Variants in CDC23 observed in about 807,000 individuals in gnomAD.
The protein encoded by CDC23 is cell division cycle 23.
In CDC23, 26 loss-of-function variants were observed where a neutral mutation model predicts 81.7. The ratio of observed to expected loss-of-function variants is 0.32; its 90% CI spans 0.23 to 0.44. The LOEUF (loss-of-function observed/expected upper bound fraction) is 0.44, where lower values mean the gene tolerates loss of function less well. Among genes scored for constraint, CDC23 ranks in the 20% least tolerant of loss-of-function variants. The pLI is 1.00. For missense variants in CDC23, 519 were observed against 728.0 expected, an observed-to-expected ratio of 0.71 and a Z score of 3.30; for synonymous variants, 267 against 270.8, an observed-to-expected ratio of 0.99 and a Z score of 0.14.
intron 11 of CDC23, 90 bp downstream of exon 11, chr5:138,192,179 C>T (rs1294308889): frequency 6.6e-7 from 1 of 1,511,936 alleles, no homozygotes; most frequent in East Asian, 2.3e-5. Flanking sequence ...CCAAAACCAT[C>T]CACTGTGATT....
chr5:138,201,170 A>G lies in CDC23; in HGVS notation c.591T>C (p.His197=), dbSNP rs752545888. The change falls in exon 6 of 16, where the codon CAT becomes CAC. Residue 197 remains histidine, a synonymous_variant. Coordinates refer to ENST00000394886, the MANE Select transcript of CDC23 (RefSeq NM_004661.4). ...EAIDVFVEAT[H]VLPLHWGAWL... ...AGGCTCCCCAATGCAAGGGCAAAAC[A>G]TGAGTAGCTTCCACAAACACATCAA... The G allele has an allele frequency of 1.2e-6, 2 of 1,614,232 alleles. No individual in the cohort carries two copies. The highest frequency in any genetic ancestry group is 1.7e-5 in the Admixed American group (1 of 60,034).
intron 2 of CDC23, among the ~76,000 whole-genome samples, chr5:138,207,520 C>T (rs1447728991): frequency 6.6e-6 from 1 of 152,174 alleles, no homozygotes; most frequent in Non-Finnish European, 1.5e-5. Context: ...CTTTTACAGT[C>T]CTACATAAAT....
intron 3 of CDC23, among the ~76,000 whole-genome samples, chr5:138,204,359 A>T (rs1335039745): frequency 2.0e-5 from 3 of 151,820 alleles, no homozygotes; most frequent in African/African-American, 7.3e-5. Context: ...ACAAAAATTA[A>T]CTGGACATGC....
At chr5:138,199,701 T>C (rs558682784) in intron 6 of CDC23, among the ~76,000 whole-genome samples, 1 of 152,364 alleles carries the variant, frequency 6.6e-6, no homozygotes. Context: ...TGGATGTCGT[T>C]AATAGCGATG....
At chr5:138,198,810 T>C in intron 6 of CDC23, 28 bp from the exon 7 acceptor site, 1 of 1,597,966 alleles carries the variant, frequency 6.3e-7, no homozygotes, top group Non-Finnish European at 8.5e-7. Flanking sequence ...AGGGACACAC[T>C]TAATATAACT....
At chr5:138,209,764 C>T (rs1755093178) in intron 2 of CDC23, among the ~76,000 whole-genome samples, 1 of 150,224 alleles carries the variant, frequency 6.7e-6, no homozygotes. Context: ...CCAGAGGTTG[C>T]AGTGAGCCGA....
chr5:138,208,025 G>A (rs1001163577), intron 2 of CDC23, among the ~76,000 whole-genome samples: 4 of 151,534 alleles, frequency 2.6e-5, no homozygotes, highest in South Asian at 2.1e-4. Context: ...GCAGTGGTGT[G>A]ATATTGGCTG....
At position 138,192,270 on chromosome 5, in the gene CDC23, G is replaced by GA; in HGVS notation, c.1284dup (p.Arg429SerfsTer4). The stretch of plus-strand genomic sequence containing the variant: ...GCATTGTCAAGTGACCAGGCTTACC[G>GA]AAGCTGGTGGGCCCGTCTATAATAA... On this transcript the variant is annotated frameshift_variant and splice_region_variant, in exon 11 of 16. Coordinates refer to ENST00000394886, the MANE Select transcript of CDC23 (RefSeq NM_004661.4). LOFTEE classifies it high-confidence loss of function. 1 of 1,614,152 alleles carries GA rather than the reference G, an allele frequency of 6.2e-7. No individual in the cohort carries two copies. The highest frequency in any genetic ancestry group is 8.5e-7 in the Non-Finnish European group (1 of 1,180,038).
chr5:138,193,146 A>G (rs2906124), intron 9 of CDC23, among the ~76,000 whole-genome samples: 2 of 152,020 alleles, frequency 1.3e-5, no homozygotes, highest in Non-Finnish European at 2.9e-5. Context: ...CAGGGTGGTC[A>G]CAAACTCCTG....
rs1313748908 is a variant in CDC23 at position 138,206,617 on chromosome 5, C to T, written c.302G>A (p.Arg101Gln). The change falls in exon 3 of 16, where the codon CGG (arginine) becomes CAG (glutamine). Residue 101 changes from arginine (R) to glutamine (Q), a missense_variant. By Grantham distance (43) the Arg-to-Gln change is conservative. Transcript: ENST00000394886. ...GCAGCCATGCAGGAAATGTGCTGCC[C>T]GATCATACTCTTTAACGTCAAAGTA... The part of the protein sequence containing the change: ...KAYFDVKEYD[R>Q]AAHFLHGCNS... The T allele has an allele frequency of 3.1e-6, 5 of 1,613,834 alleles. No homozygotes were observed. Among genetic ancestry groups the T allele is most frequent in the Admixed American group, 1.7e-5 (1 of 60,000 alleles).
intron 15 of CDC23, 83 bp downstream of exon 15, chr5:138,189,549 TG>T (rs887399355): frequency 1.3e-5 from 18 of 1,404,906 alleles, no homozygotes; most frequent in Non-Finnish European, 1.8e-5. Context: ...GTGAGCCGCT[TG>T]CCTGGCCAAG....
rs1477710461 is a variant in CDC23 at position 138,188,959 on chromosome 5, CT to C, written c.*18del. ...TAATTAAGATGGGTCTAACAATGTG[CT>C]GGCTTGAGAGTAGCCAACTATGGCG... On this transcript the variant is annotated 3_prime_UTR_variant, in exon 16 of 16. Coordinates refer to ENST00000394886, the MANE Select transcript of CDC23 (RefSeq NM_004661.4). 1.2e-6 allele frequency: 2 copies of C among 1,611,018 alleles called. No individual in the cohort carries two copies. The highest frequency in any genetic ancestry group is 8.5e-7 in the Non-Finnish European group (1 of 1,178,096).
intron 9 of CDC23, among the ~76,000 whole-genome samples, chr5:138,195,747 GTA>G (rs1172871661): frequency 0.013 from 1,368 of 106,664 alleles, 23 homozygotes; most frequent in African/African-American, 0.045. Flanking sequence ...TAATATATAT[GTA>G]TATATATACA....
At chr5:138,193,127 C>A (rs184407223) in intron 9 of CDC23, among the ~76,000 whole-genome samples, 1 of 152,212 alleles carries the variant, frequency 6.6e-6, no homozygotes, top group African/African-American at 2.4e-5. Context: ...GACAGTCTCC[C>A]TATGTTGCCA....
At chr5:138,191,760 G>T in intron 12 of CDC23, 102 bp downstream of exon 12, 1 of 1,020,930 alleles carries the variant, frequency 9.8e-7, no homozygotes, top group Non-Finnish European at 1.5e-6. Context: ...ACTTTCCTAT[G>T]CACCTAGATC....
chr5:138,195,668 T>TTATATACACATATATACATATAA (rs1561634039), intron 9 of CDC23, among the ~76,000 whole-genome samples: 1 of 106,046 alleles, frequency 9.4e-6, no homozygotes, highest in Non-Finnish European at 1.9e-5. Flanking sequence ...TACATATATT[T>TTATATACACATATATACATATAA]TATATATGCA....
rs556754662 is a variant in CDC23 at position 138,189,073 on chromosome 5, C to T, written c.1699G>A (p.Val567Met). 5.0e-6 allele frequency: 8 copies of T among 1,614,052 alleles called. No homozygotes were observed. Among genetic ancestry groups the T allele is most frequent in the Admixed American group, 1.7e-5 (1 of 60,016 alleles). The change falls in exon 16 of 16, where the codon GTG becomes ATG. Residue 567 changes from valine (V) to methionine (M), a missense_variant. Val to Met is a conservative substitution (Grantham distance 21). Around this residue, in one of 4 missense-constraint regions of CDC23, gnomAD observed 175 missense variants for 337.8 expected, o/e 0.52. Transcript: ENST00000394886. ...RNQGETPTTE[V>M]PAPFFLPASL... ...GCAGGTAGGAAAAAGGGAGCAGGCA[C>T]CTCGGTGGTAGGAGTCTCGCCTTGG... is the stretch of plus-strand genomic sequence containing the variant.
intron 9 of CDC23, among the ~76,000 whole-genome samples, chr5:138,195,829 T>TTA (rs1191800319): frequency 9.9e-5 from 13 of 131,476 alleles, no homozygotes; most frequent in African/African-American, 1.1e-4. Flanking sequence ...ATAATATATA[T>TTA]TATATACATA....
At chr5:138,198,856 T>C in intron 6 of CDC23, 74 bp from the exon 7 acceptor site, 1 of 1,449,446 alleles carries the variant, frequency 6.9e-7, no homozygotes, top group South Asian at 1.3e-5. Flanking sequence ...AGGAACTATC[T>C]TTATTATCTA....
Sources: allele counts gnomAD v4.1 joint callset (sites outside exome capture counted in the v4.1 genomes callset), GRCh38; gene constraint gnomAD v4.1.1; regional missense constraint gnomAD v4.1.1; transcripts MANE v1.5; gene names NCBI Gene and HGNC (gene_info 2026-07-23, HGNC 2026-07-21).